AP1B1: variants seen among roughly 807,000 people sequenced by gnomAD.
AP1B1 encodes the protein adaptor related protein complex 1 subunit beta 1.
A neutral mutation model predicts 104.3 loss-of-function variants in AP1B1; 36 were observed. That is an observed-to-expected ratio of 0.35 (90% CI 0.26 to 0.46). AP1B1 has a LOEUF of 0.46. Ranked by LOEUF, AP1B1 falls within the 20% of genes least tolerant of loss-of-function variation. The pLI is 1.00. For synonymous variants in AP1B1, 504 were observed against 517.5 expected, an observed-to-expected ratio of 0.97 and a Z score of 0.35; for missense variants, 901 against 1,247.9, an observed-to-expected ratio of 0.72 and a Z score of 4.19.
intron 1 of AP1B1, among the ~76,000 whole-genome samples, chr22:29,383,876 C>T (rs980974872): frequency 6.6e-6 from 1 of 152,130 alleles, no homozygotes; most frequent in Non-Finnish European, 1.5e-5. Context: ...ACTCATACCA[C>T]AACTAGGAGA....
At position 29,342,389 on chromosome 22, in the gene AP1B1, G is replaced by GCT; in HGVS notation, c.1438-7_1438-6insAG. 6.2e-7 allele frequency: 1 copy of GCT among 1,612,224 alleles called. No homozygotes were observed. On this transcript the variant is annotated splice_region_variant and splice_polypyrimidine_tract_variant and intron_variant, in intron 11 of 22. Transcript: ENST00000357586. ...GTCAGCAGCTGCAGCTGGACCTGCA[G>GCT]GGAACAGCGGTGACGAGGAGGAAGT...
intron 18 of AP1B1, 110 bp downstream of exon 18, chr22:29,331,677 A>G: frequency 6.3e-7 from 1 of 1,597,804 alleles, no homozygotes; most frequent in South Asian, 1.1e-5. Context: ...CCTCCCCAAC[A>G]CATCTGCAGC....
intron 16 of AP1B1, among the ~76,000 whole-genome samples, chr22:29,336,701 G>A (rs1291174389): frequency 1.3e-5 from 2 of 151,286 alleles, no homozygotes; most frequent in African/African-American, 4.9e-5. Context: ...TACTTCGGGA[G>A]GCTGAGGCAG....
At chr22:29,341,377 A>AGGTT in intron 13 of AP1B1, 124 bp downstream of exon 13, 2 of 1,236,914 alleles carry the variant, frequency 1.6e-6, no homozygotes, top group Non-Finnish European at 2.2e-6. Flanking sequence ...AGCTGATAAA[A>AGGTT]GGTTGTCAGT....
rs1213385555 is a variant in AP1B1 at position 29,354,778 on chromosome 22, C to A, written c.810G>T (p.Leu270Phe). Residue 270 changes from leucine (L) to phenylalanine (F), a missense_variant, in exon 7 of 23, where the codon TTG becomes TTT. Transcript: ENST00000357586. ...VKVLMKFMEM[L>F]SKDLDYYGTL... ...TGCCGTAGTAGTCCAAGTCCTTAGA[C>A]AACATCTCCATGAACTTCATCAGCA... The A allele has an allele frequency of 3.0e-5, 49 of 1,613,998 alleles. No homozygotes were observed. Among genetic ancestry groups the A allele is most frequent in the Non-Finnish European group, 4.2e-5 (49 of 1,180,040 alleles).
chr22:29,368,793 T>C (rs1602780810), intron 1 of AP1B1, among the ~76,000 whole-genome samples: 2 of 149,768 alleles, frequency 1.3e-5, no homozygotes, highest in Admixed American at 1.3e-4. Flanking sequence ...GACGCAGTGG[T>C]GCACACCTGT....
At chr22:29,381,592 C>A (rs5763182) in intron 1 of AP1B1, among the ~76,000 whole-genome samples, 53,729 of 152,056 alleles carry the variant, frequency 0.35, 10,399 homozygotes, top group East Asian at 0.67. Context: ...TCTAACTATA[C>A]TGAAATTGAA....
chr22:29,348,203 C>A (rs1003267068), intron 11 of AP1B1, among the ~76,000 whole-genome samples: 2 of 152,216 alleles, frequency 1.3e-5, no homozygotes, highest in African/African-American at 2.4e-5. Context: ...GGTGCCTTTG[C>A]AGTCATTTGC....
chr22:29,386,151 C>T (rs1228974382), intron 1 of AP1B1, among the ~76,000 whole-genome samples: 1 of 152,180 alleles, frequency 6.6e-6, no homozygotes, highest in Admixed American at 6.5e-5. Flanking sequence ...CAAATTTTCC[C>T]ATCTAACCCT....
In AP1B1 at chr22:29,339,758, T is replaced by C; in HGVS notation, c.2015A>G (p.Glu672Gly). 6.2e-7 allele frequency: 1 copy of C among 1,608,696 alleles called. No individual in the cohort carries two copies. Among genetic ancestry groups the C allele is most frequent in the Non-Finnish European group, 8.5e-7 (1 of 1,177,814 alleles). The change falls in exon 15 of 23, where the codon GAA (glutamate) becomes GGA (glycine). Residue 672 changes from glutamate (E) to glycine (G), a missense_variant. By Grantham distance (98) the Glu-to-Gly change is moderately conservative. Around this residue, in one of 3 missense-constraint regions of AP1B1, gnomAD observed 424 missense variants for 494.0 expected, o/e 0.86. Transcript: ENST00000357586. ...GLDSLMGDEP[E>G]GIGGTNFVAP... ...GACGCAAGGGTTGAACCATACCCCT[T>C]CAGGCTCATCCCCCATCTCCAAGCA... is the stretch of plus-strand genomic sequence containing the variant.
At chr22:29,366,367 G>A (rs1422895373) in intron 2 of AP1B1, among the ~76,000 whole-genome samples, 2 of 152,206 alleles carry the variant, frequency 1.3e-5, no homozygotes, top group Non-Finnish European at 2.9e-5. Context: ...ACCGGCCGCG[G>A]TGGCTCACGC....
intron 11 of AP1B1, among the ~76,000 whole-genome samples, chr22:29,348,850 G>A (rs1034323344): frequency 1.3e-5 from 2 of 152,220 alleles, no homozygotes; most frequent in Non-Finnish European, 2.9e-5. Context: ...TCAAAAAAGT[G>A]ATGACTTCTG....
At chr22:29,338,263 A>G (rs1000622239) in intron 16 of AP1B1, among the ~76,000 whole-genome samples, 1 of 152,206 alleles carries the variant, frequency 6.6e-6, no homozygotes, top group Non-Finnish European at 1.5e-5. Flanking sequence ...AATCGAGGGA[A>G]GCCTGTTCTT....
intron 1 of AP1B1, among the ~76,000 whole-genome samples, chr22:29,377,195 CAAAAAAAAAAAAA>C (rs34466410): frequency 7.0e-4 from 45 of 64,700 alleles, no homozygotes; most frequent in African/African-American, 2.9e-3. Context: ...GACCCTGTCT[CAAAAAAAAAAAAA>C]AAAAAAAAAA....
intron 2 of AP1B1, among the ~76,000 whole-genome samples, chr22:29,363,324 A>C (rs1436495537): frequency 6.6e-6 from 1 of 152,204 alleles, no homozygotes; most frequent in African/African-American, 2.4e-5. Flanking sequence ...GGCCGGGTGC[A>C]GTCGCTCATA....
At chr22:29,346,040 GAACAGGCTACTGAATTACATC>G (rs1470365725) in intron 11 of AP1B1, among the ~76,000 whole-genome samples, 133 of 152,194 alleles carry the variant, frequency 8.7e-4, no homozygotes, top group Non-Finnish European at 5.9e-4. Flanking sequence ...GATGCAAAGT[GAACAGGCTACTGAATTACATC>G]ACACCCCCAC....
intron 1 of AP1B1, among the ~76,000 whole-genome samples, chr22:29,387,822 G>A (rs991244537): frequency 5.9e-5 from 9 of 152,176 alleles, no homozygotes; most frequent in Admixed American, 3.3e-4. Flanking sequence ...GTTTAAATGT[G>A]TCATTGTAAG....
chr22:29,330,385 C>G lies in AP1B1; in HGVS notation c.2759G>C (p.Ser920Thr), dbSNP rs2061538907. The G allele has an allele frequency of 6.2e-7, 1 of 1,613,258 alleles. No individual in the cohort carries two copies. Among genetic ancestry groups the G allele is most frequent in the African/African-American group, 1.3e-5 (1 of 74,950 alleles). The change falls in exon 21 of 23, where the codon AGC (serine) becomes ACC (threonine). Residue 920 changes from serine to threonine, a missense_variant. Ser to Thr is a moderately conservative substitution (Grantham distance 58). Transcript: ENST00000357586. ...AELRIQPGNP[S>T]CTDLELSLKC... ...GGGTGCCGGGGCTCTCACCGTGCAG[C>G]TGGGGTTGCCCGGCTGGATCCGCAG...
chr22:29,373,294 G>A (rs1026810816), intron 1 of AP1B1, among the ~76,000 whole-genome samples: 2 of 152,080 alleles, frequency 1.3e-5, no homozygotes, highest in East Asian at 3.9e-4. Flanking sequence ...AAAGAGTGGG[G>A]GGTGGGGACT....
Sources: gnomAD v4.1 joint callset for allele counts (sites outside exome capture counted in the v4.1 genomes callset) on GRCh38, gnomAD v4.1.1 for gene constraint, gnomAD v4.1.1 regional missense constraint, MANE v1.5 for transcripts, NCBI Gene and HGNC (gene_info 2026-07-23, HGNC 2026-07-21) for gene names.